ASH1L: variants seen among roughly 807,000 people sequenced by gnomAD.
ASH1L encodes histone-lysine N-methyltransferase ASH1L.
A neutral mutation model predicts 269.0 loss-of-function variants in ASH1L; 23 were observed. The observed-to-expected ratio is 0.09, with a 90% CI of 0.06 to 0.12. The LOEUF is 0.12. ASH1L is among the 10% of genes least tolerant of loss of function. ASH1L has a pLI of 1.00. For missense variants in ASH1L, 2,912 were observed against 3,567.8 expected, an observed-to-expected ratio of 0.82 and a Z score of 4.68; for synonymous variants, 1,187 against 1,253.5, an observed-to-expected ratio of 0.95 and a Z score of 1.12.
chr1:155,423,523 C>T (rs532072581), intron 5 of ASH1L, among the ~76,000 whole-genome samples: 2 of 152,080 alleles, frequency 1.3e-5, no homozygotes, highest in East Asian at 2.0e-4. Context: ...GAGCCAAGAT[C>T]GTGCCACCGC....
chr1:155,550,475 C>T (rs1671122546), intron 1 of ASH1L, among the ~76,000 whole-genome samples: 1 of 152,154 alleles, frequency 6.6e-6, no homozygotes, highest in African/African-American at 2.4e-5. Flanking sequence ...CCCTGGCTAC[C>T]TCTTCTATCT....
intron 15 of ASH1L, 78 bp from the exon 16 acceptor site, chr1:155,354,708 A>G (rs1420113830): frequency 9.4e-6 from 13 of 1,384,068 alleles, no homozygotes; most frequent in Middle Eastern, 1.9e-4. Context: ...TATGGAAGCC[A>G]TTGTTAGACG....
intron 19 of ASH1L, among the ~76,000 whole-genome samples, chr1:155,348,185 A>G (rs956774744): frequency 1.3e-5 from 2 of 152,228 alleles, no homozygotes; most frequent in Non-Finnish European, 2.9e-5. Flanking sequence ...CACAGAGATC[A>G]TGAAATATGA....
At position 155,410,696 on chromosome 1, in the gene ASH1L, T is replaced by C. The variant is rs1399129773; in HGVS notation, c.6008+5048A>G. On this transcript the variant is annotated intron_variant, in intron 6 of 27. Transcript: ENST00000392403. ...CAGTAGATACATGTCAGTATACATT[T>C]GTCGAAACCCATAGAATGTATATCA... Among the ~76,000 whole-genome samples the C allele has an allele frequency of 5.3e-5, 8 of 151,480 alleles. No homozygotes were observed. The Admixed American group carries it at 5.3e-4, about 10-fold the overall frequency.
intron 4 of ASH1L, among the ~76,000 whole-genome samples, chr1:155,456,837 A>C (rs1429789955): frequency 3.3e-5 from 5 of 152,198 alleles, no homozygotes; most frequent in Non-Finnish European, 7.3e-5. Context: ...TAACATACAC[A>C]TATGATAGAC....
chr1:155,453,309 C>A (rs1663631450), intron 4 of ASH1L, among the ~76,000 whole-genome samples: 1 of 150,806 alleles, frequency 6.6e-6, no homozygotes, highest in Non-Finnish European at 1.5e-5. Flanking sequence ...GAGCCATGAT[C>A]ATGCAACTGC....
At chr1:155,469,933 A>T (rs1411861754) in intron 3 of ASH1L, among the ~76,000 whole-genome samples, 1 of 152,202 alleles carries the variant, frequency 6.6e-6, no homozygotes, top group East Asian at 1.9e-4. Context: ...GGACTTTATG[A>T]TCTGCCTATC....
Position 155,395,463 on chromosome 1 carries a change from A to C in ASH1L, c.6099T>G (p.His2033Gln). Residue 2033 changes from histidine (H) to glutamine (Q), a missense_variant, in exon 7 of 28, where the codon CAT (histidine) becomes CAG (glutamine). By Grantham distance (24) the His-to-Gln change is conservative. Coordinates refer to ENST00000392403, the MANE Select transcript of ASH1L (RefSeq NM_018489.3). The part of the protein sequence containing the change: ...HEYGLFPAPI[H>Q]VGKYLRQKRI... ...TTGTGTGGACTCGGTACTTACCAAC[A>C]TGAATGGGCGCTGGAAATAATCCAT... The C allele has an allele frequency of 6.2e-7, 1 of 1,605,088 alleles. No individual in the cohort carries two copies. Among genetic ancestry groups the C allele is most frequent in the Non-Finnish European group, 8.5e-7 (1 of 1,176,380 alleles).
At chr1:155,486,942 G>C (rs1238941750) in intron 2 of ASH1L, among the ~76,000 whole-genome samples, 2 of 151,852 alleles carry the variant, frequency 1.3e-5, no homozygotes, top group Non-Finnish European at 2.9e-5. Context: ...GATGCGGGCA[G>C]ATCACTCAAA....
intron 2 of ASH1L, among the ~76,000 whole-genome samples, chr1:155,484,070 A>G (rs1305253056): frequency 6.6e-6 from 1 of 152,254 alleles, no homozygotes; most frequent in Non-Finnish European, 1.5e-5. Flanking sequence ...CTTATGGGAA[A>G]GTAAACAGGG....
chr1:155,438,932 G>T lies in ASH1L; in HGVS notation c.5223C>A (p.Ala1741=), dbSNP rs1662325062. ...EKSIDAVIAT[A]SAPPSSSPGR... ...CTGGACTGGAAGAAGGTGGTGCAGA[G>T]GCAGTTGCAATCACAGCATCAATAC... Residue 1741 remains alanine, a synonymous_variant, in exon 5 of 28, where the codon GCC becomes GCA. Transcript: ENST00000392403. 35 of 1,614,182 alleles carry T rather than the reference G, an allele frequency of 2.2e-5. No homozygotes were observed. Among genetic ancestry groups the T allele is most frequent in the Non-Finnish European group, 2.9e-5 (34 of 1,180,042 alleles).
chr1:155,357,323 G>A lies in ASH1L; in HGVS notation c.7048C>T (p.Arg2350Cys), dbSNP rs781135607. 2 of 1,611,946 alleles carry A rather than the reference G, an allele frequency of 1.2e-6. No homozygotes were observed. Among genetic ancestry groups the A allele is most frequent in the Admixed American group, 1.7e-5 (1 of 59,870 alleles). ...PQLQMKPMSN[R>C]ERNFVLKHHV... ...AGGATATTTCCTTTTTACCTTTCAC[G>A]ATTGGACATTGGCTTCATCTGTAAT... is the stretch of plus-strand genomic sequence containing the variant. Residue 2350 changes from arginine (R) to cysteine (C), a missense_variant, in exon 15 of 28, where the codon CGT becomes TGT. Physicochemically the swap from Arg to Cys is radical, Grantham distance 180. Around this residue, in one of 13 missense-constraint regions of ASH1L, gnomAD observed 309 missense variants for 435.1 expected, o/e 0.71. Transcript: ENST00000392403.
chr1:155,544,668 A>G (rs1356057347), intron 1 of ASH1L, among the ~76,000 whole-genome samples: 1 of 152,200 alleles, frequency 6.6e-6, no homozygotes, highest in African/African-American at 2.4e-5. Context: ...AAAGCAGTAT[A>G]TATCTGTAGA....
chr1:155,434,973 C>T (rs1661967482), intron 5 of ASH1L, among the ~76,000 whole-genome samples: 1 of 152,128 alleles, frequency 6.6e-6, no homozygotes, highest in African/African-American at 2.4e-5. Flanking sequence ...GCCTGGCCAA[C>T]ATGGGGAAAC....
intron 6 of ASH1L, among the ~76,000 whole-genome samples, chr1:155,401,498 T>C (rs1019593869): frequency 2.2e-5 from 3 of 135,798 alleles, no homozygotes; most frequent in African/African-American, 5.5e-5. Context: ...AAAAAAAAGA[T>C]TGGTAGGGCA....
rs556943948 is a variant in ASH1L, at chr1:155,467,226, C to T, written c.4985-7328G>A. ...ATGCTGAAAAACAGGGATGAAATAA[C>T]TGACATTCCAGGTCAGAAACTCTTG... is the stretch of plus-strand genomic sequence containing the variant. On this transcript the variant is annotated intron_variant, in intron 3 of 27. Coordinates refer to ENST00000392403, the MANE Select transcript of ASH1L (RefSeq NM_018489.3). Among the ~76,000 whole-genome samples the T allele has an allele frequency of 8.5e-5, 13 of 152,304 alleles. No individual in the cohort carries two copies. The South Asian group carries it at 2.5e-3, about 29-fold the overall frequency.
chr1:155,351,347 C>T (rs550615610), intron 17 of ASH1L, among the ~76,000 whole-genome samples: 2 of 150,520 alleles, frequency 1.3e-5, no homozygotes, highest in African/African-American at 4.9e-5. Flanking sequence ...GTCAGGAGTT[C>T]GAAAACGGCT....
chr1:155,379,684 A>G (rs890356145), intron 8 of ASH1L, among the ~76,000 whole-genome samples: 5 of 152,194 alleles, frequency 3.3e-5, no homozygotes, highest in African/African-American at 1.2e-4. Context: ...AGGAGCCAAC[A>G]AAAATAAAGT....
chr1:155,415,039 C>A (rs774801630), intron 6 of ASH1L, among the ~76,000 whole-genome samples: 1 of 152,208 alleles, frequency 6.6e-6, no homozygotes, highest in South Asian at 2.1e-4. Flanking sequence ...AATGAAGTCA[C>A]CAATATCATT....
Sources: gnomAD v4.1 joint callset for allele counts (sites outside exome capture counted in the v4.1 genomes callset) on GRCh38, gnomAD v4.1.1 for gene constraint, gnomAD v4.1.1 regional missense constraint, MANE v1.5 for transcripts, NCBI Gene and HGNC (gene_info 2026-07-23, HGNC 2026-07-21) for gene names.